Variants in ATP2C1 observed in about 807,000 individuals in gnomAD.
The protein encoded by ATP2C1 is calcium-transporting ATPase type 2C member 1.
In ATP2C1, 31 loss-of-function variants were observed where a neutral mutation model predicts 120.5. The ratio of observed to expected loss-of-function variants is 0.26; its 90% CI spans 0.19 to 0.35. The LOEUF is 0.35. Ranked by LOEUF, ATP2C1 falls within the 10% of genes least tolerant of loss-of-function variation. The pLI, the probability that ATP2C1 is intolerant of heterozygous loss-of-function variation, is 1.00. For missense variants in ATP2C1, 731 were observed against 1,107.5 expected, an observed-to-expected ratio of 0.66 and a Z score of 4.83; for synonymous variants, 351 against 358.7, an observed-to-expected ratio of 0.98 and a Z score of 0.24.
At chr3:130,874,763 A>G (rs1487012127) in intron 1 of ATP2C1, among the ~76,000 whole-genome samples, 1 of 152,204 alleles carries the variant, frequency 6.6e-6, no homozygotes, top group Non-Finnish European at 1.5e-5. Context: ...GGAGGGATAA[A>G]AAGGTGGCTG....
intron 1 of ATP2C1, among the ~76,000 whole-genome samples, chr3:130,857,185 A>G (rs775868639): frequency 6.6e-6 from 1 of 152,222 alleles, no homozygotes; most frequent in Non-Finnish European, 1.5e-5. Context: ...TTTTTAAATG[A>G]GCTATGTATT....
intron 8 of ATP2C1, among the ~76,000 whole-genome samples, chr3:130,949,074 A>G (rs765726188): frequency 2.0e-5 from 3 of 152,118 alleles, no homozygotes; most frequent in Non-Finnish European, 4.4e-5. Context: ...TGGCCTCTTA[A>G]GTGTTCAAGT....
chr3:130,976,443 G>A (rs192090876), intron 18 of ATP2C1, among the ~76,000 whole-genome samples: 2 of 152,242 alleles, frequency 1.3e-5, no homozygotes, highest in East Asian at 3.9e-4. Flanking sequence ...AGAGCCTGGT[G>A]CATCTCATCT....
intron 25 of ATP2C1, 118 bp downstream of exon 25, chr3:130,997,871 A>C: frequency 1.0e-6 from 1 of 997,636 alleles, no homozygotes; most frequent in Middle Eastern, 2.6e-4. Flanking sequence ...TTTTAGTGAA[A>C]AATATAAGAA....
intron 1 of ATP2C1, among the ~76,000 whole-genome samples, chr3:130,870,607 G>A (rs2068398750): frequency 6.6e-6 from 1 of 152,198 alleles, no homozygotes; most frequent in Admixed American, 6.5e-5. Flanking sequence ...ACTAGAAGTG[G>A]ATCCTGAAGA....
At chr3:130,946,704 T>A (rs1375391970) in intron 8 of ATP2C1, among the ~76,000 whole-genome samples, 1 of 152,218 alleles carries the variant, frequency 6.6e-6, no homozygotes, top group African/African-American at 2.4e-5. Flanking sequence ...AATACTCTGG[T>A]AAAACCCAGG....
chr3:130,855,986 T>G (rs903616148), intron 1 of ATP2C1: 11 of 151,908 alleles, frequency 7.2e-5, no homozygotes, highest in Non-Finnish European at 1.3e-4. Flanking sequence ...GAGATTTTTT[T>G]TTTCCTGATT....
intron 1 of ATP2C1, among the ~76,000 whole-genome samples, chr3:130,887,926 G>A (rs1034455273): frequency 6.6e-6 from 1 of 152,164 alleles, no homozygotes; most frequent in Non-Finnish European, 1.5e-5. Flanking sequence ...ACCACAGCTG[G>A]CAATGTTCTG....
At chr3:131,003,680 CTTTA>C (rs2062993631), downstream of ATP2C1, among the ~76,000 whole-genome samples, 1 of 152,138 alleles carries the variant, frequency 6.6e-6, no homozygotes, top group Non-Finnish European at 1.5e-5. Context: ...AGGATACAGG[CTTTA>C]TTTATATAGC....
At chr3:130,974,079 G>A (rs2061442447) in intron 17 of ATP2C1, among the ~76,000 whole-genome samples, 1 of 152,098 alleles carries the variant, frequency 6.6e-6, no homozygotes, top group Non-Finnish European at 1.5e-5. Flanking sequence ...TAATATAGAG[G>A]TAATAGCTTA....
downstream of ATP2C1, chr3:131,003,182 A>G (rs997624829): frequency 1.0e-6 from 1 of 977,172 alleles, no homozygotes; most frequent in African/African-American, 1.8e-5. Flanking sequence ...TAGCATTAAA[A>G]TTATCCATAT....
chr3:130,907,962 A>T (rs2058216287), intron 2 of ATP2C1, among the ~76,000 whole-genome samples: 1 of 152,090 alleles, frequency 6.6e-6, no homozygotes, highest in African/African-American at 2.4e-5. Context: ...CATTTCACAG[A>T]AATAGAAGGC....
intron 12 of ATP2C1, 78 bp downstream of exon 12, chr3:130,959,419 TG>T: frequency 1.1e-6 from 1 of 939,008 alleles, no homozygotes; most frequent in Non-Finnish European, 1.7e-6. Context: ...CGTTTTATTA[TG>T]GAGATCAGTA....
At chr3:130,930,701 T>C (rs1283899119) in intron 3 of ATP2C1, among the ~76,000 whole-genome samples, 175 bp downstream of exon 3, 1 of 152,188 alleles carries the variant, frequency 6.6e-6, no homozygotes, top group Admixed American at 6.5e-5. Flanking sequence ...GGGGTTAAAC[T>C]TGACAGAATT....
intron 1 of ATP2C1, among the ~76,000 whole-genome samples, chr3:130,878,032 AC>A (rs1159117182): frequency 1.3e-5 from 2 of 151,580 alleles, no homozygotes; most frequent in African/African-American, 4.8e-5. Flanking sequence ...GCAAACTATC[AC>A]AAGGACACAA....
intron 22 of ATP2C1, 33 bp downstream of exon 22, chr3:130,994,131 A>G: frequency 6.2e-7 from 1 of 1,612,246 alleles, no homozygotes; most frequent in Non-Finnish European, 8.5e-7. Context: ...CCTATCAGAG[A>G]ATCTTCCCCT....
chr3:131,006,689 CT>C (rs1167746798), downstream of ATP2C1, among the ~76,000 whole-genome samples: 281 of 137,452 alleles, frequency 2.0e-3, no homozygotes, highest in South Asian at 0.019. Flanking sequence ...TTCTTGTACA[CT>C]TTTTTTTTTT....
At chr3:130,908,294 A>G (rs769986798) in intron 2 of ATP2C1, among the ~76,000 whole-genome samples, 5 of 152,126 alleles carry the variant, frequency 3.3e-5, no homozygotes, top group Non-Finnish European at 7.4e-5. Flanking sequence ...GTAATACCAA[A>G]AGACAGGAGT....
intron 1 of ATP2C1, among the ~76,000 whole-genome samples, chr3:130,870,798 G>A (rs112623645): frequency 2.0e-4 from 31 of 152,376 alleles, no homozygotes; most frequent in African/African-American, 6.5e-4. Context: ...TGATAAAGCA[G>A]TGGCAGGGTT....
Sources: gnomAD v4.1 joint callset for allele counts (sites outside exome capture counted in the v4.1 genomes callset) on GRCh38, gnomAD v4.1.1 for gene constraint, MANE v1.5 for transcripts, NCBI Gene and HGNC (gene_info 2026-07-23, HGNC 2026-07-21) for gene names.